The following SYNJ1 variants were observed in gnomAD, a reference collection of about 807,000 sequenced individuals.
SYNJ1 encodes the protein polyphosphatidylinositol phosphatase SYNJ1.
SYNJ1 carries 78 observed loss-of-function variants against 168.2 expected under a neutral mutation model. The observed-to-expected ratio is 0.46, with a 90% CI of 0.39 to 0.56. SYNJ1 has a LOEUF of 0.56. SYNJ1 is among the 20% of genes least tolerant of loss of function. SYNJ1 has a pLI of 0.00. For missense variants in SYNJ1, 1,303 were observed against 1,597.6 expected (o/e 0.82, Z 3.14); for synonymous variants, 539 against 548.6 (o/e 0.98, Z 0.24).
At chr21:32,633,528 G>T (rs750965040) in intron 32 of SYNJ1, among the ~76,000 whole-genome samples, 2 of 151,970 alleles carry the variant, frequency 1.3e-5, no homozygotes, top group African/African-American at 4.8e-5. Context: ...GGTTGGATAC[G>T]ATAGGGCAAA....
At chr21:32,718,130 T>C (rs1051736188) in intron 2 of SYNJ1, among the ~76,000 whole-genome samples, 2 of 152,190 alleles carry the variant, frequency 1.3e-5, no homozygotes, top group Non-Finnish European at 2.9e-5. Flanking sequence ...TAGTCCTGAG[T>C]TACGTATATT....
At chr21:32,659,485 C>A (rs1286669379) in intron 18 of SYNJ1, among the ~76,000 whole-genome samples, 2 of 152,128 alleles carry the variant, frequency 1.3e-5, no homozygotes, top group East Asian at 3.9e-4. Flanking sequence ...CAGCACTGCG[C>A]CCTGGGCCTG....
chr21:32,690,063 G>C (rs1166564139), intron 6 of SYNJ1, among the ~76,000 whole-genome samples: 3 of 152,122 alleles, frequency 2.0e-5, no homozygotes, highest in Non-Finnish European at 4.4e-5. Context: ...TACTGCAACG[G>C]TGCATAAGGT....
intron 2 of SYNJ1, among the ~76,000 whole-genome samples, chr21:32,714,673 G>A (rs1048811710): frequency 6.6e-6 from 1 of 152,150 alleles, no homozygotes; most frequent in Non-Finnish European, 1.5e-5. Context: ...CAGGTTTGAG[G>A]ATATGCAGTG....
chr21:32,695,857 TC>T (rs2042192149), intron 4 of SYNJ1, among the ~76,000 whole-genome samples: 3 of 150,950 alleles, frequency 2.0e-5, no homozygotes, highest in African/African-American at 7.3e-5. Flanking sequence ...TTTTTTTTTT[TC>T]TTTTTTGAGA....
chr21:32,665,347 A>T (rs2145918459), intron 17 of SYNJ1, among the ~76,000 whole-genome samples: 1 of 152,334 alleles, frequency 6.6e-6, no homozygotes, highest in Middle Eastern at 3.4e-3. Flanking sequence ...ACTCCCTCAC[A>T]ATTTGCCCAC....
upstream of SYNJ1, chr21:32,728,030 C>T: frequency 6.5e-7 from 1 of 1,535,246 alleles, no homozygotes; most frequent in Non-Finnish European, 8.7e-7. Context: ...GCAGGCCCAT[C>T]TCTTCCGCAT....
chr21:32,675,561 T>C (rs2145998022), intron 13 of SYNJ1, among the ~76,000 whole-genome samples: 1 of 152,302 alleles, frequency 6.6e-6, no homozygotes, highest in South Asian at 2.1e-4. Flanking sequence ...CAACAGCTTC[T>C]CAAAACATTC....
intron 15 of SYNJ1, among the ~76,000 whole-genome samples, chr21:32,668,945 A>G (rs1254696288): frequency 6.6e-6 from 1 of 152,214 alleles, no homozygotes; most frequent in African/African-American, 2.4e-5. Flanking sequence ...TTAGGCACCA[A>G]ACTATACTAG....
At chr21:32,650,070 G>A in intron 23 of SYNJ1, 114 bp downstream of exon 23, 2 of 1,276,430 alleles carry the variant, frequency 1.6e-6, no homozygotes, top group African/African-American at 1.5e-5. Flanking sequence ...CTAATTAATA[G>A]TGCTATGTAC....
chr21:32,722,054 G>A (rs1000404884), intron 2 of SYNJ1, among the ~76,000 whole-genome samples: 4 of 151,740 alleles, frequency 2.6e-5, no homozygotes, highest in Non-Finnish European at 4.4e-5. Context: ...GTATGATGGC[G>A]CATGCCTGTA....
At chr21:32,652,517 T>C (rs1192340760) in intron 22 of SYNJ1, among the ~76,000 whole-genome samples, 1 of 152,096 alleles carries the variant, frequency 6.6e-6, no homozygotes, top group Non-Finnish European at 1.5e-5. Flanking sequence ...ATACAAAGAA[T>C]TTTTTTTCTC....
intron 15 of SYNJ1, among the ~76,000 whole-genome samples, chr21:32,668,501 G>A (rs1040555443): frequency 1.3e-5 from 2 of 152,122 alleles, no homozygotes; most frequent in Non-Finnish European, 2.9e-5. Flanking sequence ...TATTTTTCAG[G>A]AAACATAATC....
At chr21:32,708,787 C>G (rs1327927903) in intron 2 of SYNJ1, among the ~76,000 whole-genome samples, 8 of 150,850 alleles carry the variant, frequency 5.3e-5, no homozygotes, top group Non-Finnish European at 1.0e-4. Context: ...TTGATACCAG[C>G]TCTTTATTAG....
At position 32,727,746 on chromosome 21, in the gene SYNJ1, C is replaced by T. The variant is rs886217980; in HGVS notation, c.-23+200G>A. On this transcript the variant is annotated intron_variant, in intron 1 of 32. Coordinates refer to ENST00000674351, the MANE Select transcript of SYNJ1 (RefSeq NM_203446.3). ...GCTGACAGCCGCTGTCACCACAGCC[C>T]CCAGCCTGACGCGGCACCCCGCACA... 2.5e-6 allele frequency: 3 copies of T among 1,215,140 alleles called. No homozygotes were observed. The African/African-American group carries it at 4.8e-5, about 20-fold the overall frequency. The allele number at this position is 1,215,140 out of a possible 1,614,324, so 75.3% of individuals were successfully genotyped here. A position where few individuals can be genotyped will look rare whatever the true frequency, so the allele number is the denominator to read the frequency against.
At chr21:32,653,151 TTAAA>T (rs1483815101) in intron 22 of SYNJ1, 133 bp downstream of exon 22, 6 of 678,846 alleles carry the variant, frequency 8.8e-6, no homozygotes, top group African/African-American at 5.5e-5. Flanking sequence ...ATAAAAAACA[TTAAA>T]TAACTCCTCG....
chr21:32,654,168 CACACAA>C, intron 21 of SYNJ1: 1 of 152,176 alleles, frequency 6.6e-6, no homozygotes, highest in East Asian at 1.9e-4. Flanking sequence ...AAAACATGTA[CACACAA>C]ACACACACAC....
At position 32,681,503 on chromosome 21, in the gene SYNJ1, T is replaced by C. The variant is rs772361584; in HGVS notation, c.1346A>G (p.Lys449Arg). The change falls in exon 11 of 33, where the codon AAA (lysine) becomes AGA (arginine). Residue 449 changes from lysine to arginine, a missense_variant. Physicochemically the swap from Lys to Arg is conservative, Grantham distance 26. This residue lies in a region of SYNJ1 where 920 missense variants were observed against 1,208.8 expected (regional missense o/e 0.76). Transcript: ENST00000674351. ...IYAGTGALEG[K>R]AKLKDGARSV... is the part of the protein sequence containing the mutation. ...TGATAGATCTAGATATACCTTCGCT[T>C]TCCCTTCAAGAGCTCCAGTTCCTGC... is the stretch of plus-strand genomic sequence containing the variant. 19 of 1,611,710 alleles carry C rather than the reference T, an allele frequency of 1.2e-5. No homozygotes were observed. Among genetic ancestry groups the C allele is most frequent in the Non-Finnish European group, 1.4e-5 (17 of 1,178,888 alleles).
chr21:32,693,712 T>C (rs995532577), intron 6 of SYNJ1, among the ~76,000 whole-genome samples: 3 of 152,180 alleles, frequency 2.0e-5, no homozygotes, highest in African/African-American at 4.8e-5. Flanking sequence ...TGCTTTTAAT[T>C]TAATCCTTAC....
Sources: allele counts gnomAD v4.1 joint callset (sites outside exome capture counted in the v4.1 genomes callset), GRCh38; gene constraint gnomAD v4.1.1; regional missense constraint gnomAD v4.1.1; transcripts MANE v1.5; gene names NCBI Gene and HGNC (gene_info 2026-07-23, HGNC 2026-07-21).